The following MAP2 variants were observed in gnomAD, a reference collection of about 807,000 sequenced individuals.
MAP2 encodes the protein microtubule associated protein 2.
A neutral mutation model predicts 137.6 loss-of-function variants in MAP2; 14 were observed. That is an observed-to-expected ratio of 0.10 (90% CI 0.07 to 0.16). MAP2 has a LOEUF of 0.16. Among genes scored for constraint, MAP2 ranks in the 10% least tolerant of loss-of-function variants. The pLI is 1.00. For synonymous variants in MAP2, 786 were observed against 782.3 expected (o/e 1.00, Z -0.08); for missense variants, 2,088 against 2,191.5 (o/e 0.95, Z 0.94).
chr2:209,473,221 G>A (rs908588830), intron 1 of MAP2, among the ~76,000 whole-genome samples: 2 of 152,066 alleles, frequency 1.3e-5, no homozygotes, highest in Admixed American at 6.6e-5. Flanking sequence ...TAAATCCCAC[G>A]TTTTACAGTG....
intron 2 of MAP2, among the ~76,000 whole-genome samples, chr2:209,528,410 T>C (rs1400152846): frequency 6.6e-6 from 1 of 152,190 alleles, no homozygotes; most frequent in East Asian, 1.9e-4. Context: ...TAGGAATGGT[T>C]CCTCACTTTA....
chr2:209,593,816 TAATAC>T (rs539681748), intron 3 of MAP2, among the ~76,000 whole-genome samples: 1 of 53,456 alleles, frequency 1.9e-5, no homozygotes, highest in East Asian at 4.7e-4. Flanking sequence ...TAATATAATA[TAATAC>T]ATTATATTTA....
intron 3 of MAP2, among the ~76,000 whole-genome samples, chr2:209,610,562 T>C (rs1177213680): frequency 1.3e-5 from 2 of 152,134 alleles, no homozygotes; most frequent in African/African-American, 4.8e-5. Flanking sequence ...AGTTTTCTTT[T>C]ATGTGTTTAC....
rs766639931 is a variant in MAP2, at chr2:209,694,754, A to G, written c.2584A>G (p.Ser862Gly). ...DENHVIVKTD[S>G]QLEDLGYCVF... is the part of the protein sequence containing the mutation. ...AAACCATGTCATTGTAAAAACGGAC[A>G]GTCAGCTCGAAGACCTGGGCTACTG... is the stretch of plus-strand genomic sequence containing the variant. Residue 862 changes from serine (S) to glycine (G), a missense_variant, in exon 8 of 16, where the codon AGT becomes GGT. Ser to Gly is a moderately conservative substitution (Grantham distance 56). Coordinates refer to ENST00000682079, the MANE Select transcript of MAP2 (RefSeq NM_001375505.1). The G allele has an allele frequency of 5.6e-6, 9 of 1,614,178 alleles. No individual in the cohort carries two copies. In the East Asian group the frequency reaches 2.0e-4, roughly 36 times the overall value.
rs1426220967 is a variant in MAP2 at position 209,694,445 on chromosome 2, T to C, written c.2275T>C (p.Phe759Leu). The C allele has an allele frequency of 6.2e-7, 1 of 1,614,006 alleles. No homozygotes were observed. The highest frequency in any genetic ancestry group is 8.5e-7 in the Non-Finnish European group (1 of 1,179,984). ...TTPALEKAPC[F>L]PVESKEEEQI... ...ACCTGCACTGGAGAAAGCCCCTTGC[T>C]TCCCTGTAGAAAGCAAAGAGGAAGA... Residue 759 changes from phenylalanine (F) to leucine (L), a missense_variant, in exon 8 of 16, where the codon TTC becomes CTC. This residue lies in a region of MAP2 where 500 missense variants were observed against 482.9 expected (regional missense o/e 1.04). Coordinates refer to ENST00000682079, the MANE Select transcript of MAP2 (RefSeq NM_001375505.1).
Position 209,695,194 on chromosome 2 carries a change from A to G in MAP2, c.3024A>G (p.Thr1008=). The G allele has an allele frequency of 6.2e-7, 1 of 1,614,184 alleles. No individual in the cohort carries two copies. The highest frequency in any genetic ancestry group is 8.5e-7 in the Non-Finnish European group (1 of 1,179,994). ...QALAKDLSIP[T]DASSEKAEKG... The stretch of plus-strand genomic sequence containing the variant: ...TGGCCAAAGATTTGTCAATACCAAC[A>G]GATGCATCCTCTGAGAAAGCAGAGA... Residue 1008 remains threonine (T), a synonymous_variant, in exon 8 of 16, where the codon ACA becomes ACG. Transcript: ENST00000682079.
intron 13 of MAP2, among the ~76,000 whole-genome samples, chr2:209,715,539 T>TA (rs1353706146): frequency 3.3e-5 from 5 of 151,642 alleles, no homozygotes; most frequent in Non-Finnish European, 7.4e-5. Flanking sequence ...GAAAAATATG[T>TA]AAAAAAGTGC....
chr2:209,446,848 T>A (rs562447316), intron 1 of MAP2, among the ~76,000 whole-genome samples: 12 of 151,984 alleles, frequency 7.9e-5, no homozygotes, highest in African/African-American at 2.9e-4. Context: ...CTATTGAGAT[T>A]TACTTGACTC....
At chr2:209,508,765 G>A (rs1343530954) in intron 2 of MAP2, among the ~76,000 whole-genome samples, 1 of 151,960 alleles carries the variant, frequency 6.6e-6, no homozygotes, top group Non-Finnish European at 1.5e-5. Flanking sequence ...ATGTCTACAA[G>A]TATTGGTTTC....
intron 2 of MAP2, among the ~76,000 whole-genome samples, chr2:209,578,253 G>A (rs1328453419): frequency 6.6e-6 from 1 of 152,052 alleles, no homozygotes; most frequent in Non-Finnish European, 1.5e-5. Flanking sequence ...TAGAGGCAAG[G>A]GGTAGCAGAA....
At chr2:209,621,672 A>G (rs13412699) in intron 3 of MAP2, among the ~76,000 whole-genome samples, 10,161 of 152,224 alleles carry the variant, frequency 0.067, 816 homozygotes, top group South Asian at 0.23. Context: ...CAATCCAGGG[A>G]AGATTTTATC....
At chr2:209,655,964 T>C (rs923156129) in intron 5 of MAP2, among the ~76,000 whole-genome samples, 2 of 152,216 alleles carry the variant, frequency 1.3e-5, no homozygotes, top group African/African-American at 4.8e-5. Flanking sequence ...CAAGTTTGTT[T>C]CTTTTTAATC....
intron 1 of MAP2, among the ~76,000 whole-genome samples, chr2:209,426,543 G>A (rs900709792): frequency 3.4e-4 from 52 of 152,172 alleles, no homozygotes; most frequent in Admixed American, 1.2e-3. Flanking sequence ...GGGAAAGAAT[G>A]TGCTGAAAGA....
At chr2:209,621,536 G>T (rs1160810967) in intron 3 of MAP2, among the ~76,000 whole-genome samples, 1 of 151,962 alleles carries the variant, frequency 6.6e-6, no homozygotes, top group Non-Finnish European at 1.5e-5. Flanking sequence ...TAGGATTACA[G>T]GCATGAGCCA....
At chr2:209,472,352 G>T (rs1285546080) in intron 1 of MAP2, among the ~76,000 whole-genome samples, 2 of 152,074 alleles carry the variant, frequency 1.3e-5, no homozygotes, top group Non-Finnish European at 2.9e-5. Flanking sequence ...ATTGTTCAAG[G>T]TATATCAACA....
At chr2:209,611,128 C>T (rs11899684) in intron 3 of MAP2, among the ~76,000 whole-genome samples, 7,071 of 152,122 alleles carry the variant, frequency 0.046, 228 homozygotes, top group African/African-American at 0.092. Context: ...TTACAAATGA[C>T]GCCAAATATT....
At chr2:209,517,941 G>A (rs1241100815) in intron 2 of MAP2, among the ~76,000 whole-genome samples, 1 of 151,858 alleles carries the variant, frequency 6.6e-6, no homozygotes, top group African/African-American at 2.4e-5. Context: ...CCAGCCTTTG[G>A]GAAACCAGAT....
At chr2:209,692,443 AG>A (rs1396763351) in intron 7 of MAP2, among the ~76,000 whole-genome samples, 181 bp from the exon 8 acceptor site, 2 of 152,198 alleles carry the variant, frequency 1.3e-5, no homozygotes, top group African/African-American at 4.8e-5. Context: ...TTTTAGTAAT[AG>A]TACACATATA....
intron 3 of MAP2, among the ~76,000 whole-genome samples, chr2:209,602,380 T>C (rs980726669): frequency 1.3e-5 from 2 of 152,190 alleles, no homozygotes; most frequent in Non-Finnish European, 2.9e-5. Flanking sequence ...CATCCAGTCA[T>C]AAAATAAGTG....
Sources: gnomAD v4.1 joint callset for allele counts (sites outside exome capture counted in the v4.1 genomes callset) on GRCh38, gnomAD v4.1.1 for gene constraint, gnomAD v4.1.1 regional missense constraint, MANE v1.5 for transcripts, NCBI Gene and HGNC (gene_info 2026-07-23, HGNC 2026-07-21) for gene names.